CAPZA1: variants seen among roughly 807,000 people sequenced by gnomAD.
CAPZA1 encodes the protein F-actin-capping protein subunit alpha-1.
A neutral mutation model predicts 40.8 loss-of-function variants in CAPZA1; 10 were observed. The ratio of observed to expected loss-of-function variants is 0.25; its 90% confidence interval spans 0.15 to 0.42. The LOEUF is 0.42. Ranked by LOEUF, CAPZA1 falls within the 10% of genes least tolerant of loss-of-function variation. The pLI is 1.00. For missense variants in CAPZA1, 277 were observed against 353.8 expected (o/e 0.78, Z 1.74); for synonymous variants, 98 against 115.0 (o/e 0.85, Z 0.95).
At chr1:112,626,184 C>A (rs1015828462) in intron 1 of CAPZA1, 1 of 152,148 alleles carries the variant, frequency 6.6e-6, no homozygotes, top group Non-Finnish European at 1.5e-5. Flanking sequence ...CCTGAACCTG[C>A]TTGACAGACA....
intron 6 of CAPZA1, chr1:112,659,303 A>G: frequency 1.8e-6 from 1 of 570,086 alleles, no homozygotes; most frequent in South Asian, 2.2e-5. Flanking sequence ...TTGAGTGAGA[A>G]CAAGTGATTA....
Position 112,667,257 on chromosome 1 carries a change from G to A in CAPZA1, c.657+112G>A, listed in dbSNP as rs1016919424. 1.8e-5 allele frequency: 14 copies of A among 771,940 alleles called. 1 individual carries two copies. In the South Asian group the frequency reaches 2.6e-4, roughly 14 times the overall value. The allele number at this position is 771,940 out of a possible 1,614,324, so 47.8% of individuals were successfully genotyped here. On this transcript the variant is annotated intron_variant, in intron 8 of 9. Coordinates refer to ENST00000263168, the MANE Select transcript of CAPZA1 (RefSeq NM_006135.3). ...AGTAGAAATTCAGTTTGCTTTTAAT[G>A]TTTTGATTTTGGCCACTTCTGTTAG...
chr1:112,671,266 C>G lies in CAPZA1; in HGVS notation c.*1134C>G, dbSNP rs1411128370. The G allele has an allele frequency of 2.0e-5, 3 of 152,568 alleles. No individual in the cohort carries two copies. The highest frequency in any genetic ancestry group is 7.2e-5 in the African/African-American group (3 of 41,428). The allele number at this position is 152,568 out of a possible 1,614,324, so 9.5% of individuals were successfully genotyped here. A position where few individuals can be genotyped will look rare whatever the true frequency, so the allele number is the denominator to read the frequency against. On this transcript the variant is annotated 3_prime_UTR_variant, in exon 10 of 10. Transcript: ENST00000263168. Reference sequence around the variant, plus strand: ...GGTATGTGTGTAATCTCAGAATACACAGGTGACATAGATATGATATGACAA... The same window carrying G: ...GGTATGTGTGTAATCTCAGAATACAGAGGTGACATAGATATGATATGACAA...
intron 7 of CAPZA1, among the ~76,000 whole-genome samples, chr1:112,660,500 G>A (rs1028100844): frequency 3.9e-5 from 6 of 151,936 alleles, no homozygotes; most frequent in South Asian, 2.1e-4. Context: ...GGCTGGTCTC[G>A]ATCTCCTGAC....
intron 1 of CAPZA1, among the ~76,000 whole-genome samples, chr1:112,623,514 C>G (rs568673517): frequency 1.3e-5 from 2 of 152,022 alleles, no homozygotes; most frequent in African/African-American, 4.8e-5. Flanking sequence ...AACCCCATCT[C>G]TACTAAAAAT....
chr1:112,656,231 T>C (rs1671496832), intron 5 of CAPZA1, among the ~76,000 whole-genome samples: 1 of 152,172 alleles, frequency 6.6e-6, no homozygotes. Context: ...GCCAATTAAT[T>C]AGTTGTGTGA....
intron 1 of CAPZA1, among the ~76,000 whole-genome samples, chr1:112,639,826 C>A (rs1671098436): frequency 6.9e-6 from 1 of 143,950 alleles, no homozygotes; most frequent in Admixed American, 6.9e-5. Context: ...AAGTGAGGAG[C>A]CCCTCTGCCC....
intron 1 of CAPZA1, among the ~76,000 whole-genome samples, chr1:112,639,418 C>T (rs1297492374): frequency 2.0e-5 from 3 of 152,154 alleles, no homozygotes; most frequent in African/African-American, 7.2e-5. Context: ...ATTTTCTTCC[C>T]TCACCCTGCT....
intron 1 of CAPZA1, among the ~76,000 whole-genome samples, chr1:112,627,435 AG>A (rs1048513335): frequency 6.6e-6 from 1 of 151,862 alleles, no homozygotes; most frequent in African/African-American, 2.4e-5. Context: ...ACTTGAACCC[AG>A]GAGTTCAAGA....
At chr1:112,654,727 C>T (rs1570719840) in intron 5 of CAPZA1, 56 bp downstream of exon 5, 1 of 1,163,628 alleles carries the variant, frequency 8.6e-7, no homozygotes, top group South Asian at 1.7e-5. Flanking sequence ...TTACCTTATC[C>T]TTTGGAGGCT....
rs571692898 is a variant in CAPZA1 at position 112,671,228 on chromosome 1, A to G, written c.*1096A>G. On this transcript the variant is annotated 3_prime_UTR_variant, in exon 10 of 10. Coordinates refer to ENST00000263168, the MANE Select transcript of CAPZA1 (RefSeq NM_006135.3). ...TAACTGTGATAAAATAACCTTTCCC[A>G]GGTATATTGGCAGGTATGTGTGTAA... The G allele has an allele frequency of 1.3e-5, 2 of 152,740 alleles. No individual in the cohort carries two copies. Among genetic ancestry groups the G allele is most frequent in the South Asian group, 4.1e-4 (2 of 4,834 alleles). The allele number at this position is 152,740 out of a possible 1,614,324, so 9.5% of individuals were successfully genotyped here.
intron 1 of CAPZA1, among the ~76,000 whole-genome samples, chr1:112,630,488 C>T (rs894929257): frequency 1.3e-5 from 2 of 152,002 alleles, no homozygotes; most frequent in Non-Finnish European, 2.9e-5. Context: ...GGATTACAGG[C>T]GCCTGTCACC....
In CAPZA1 at chr1:112,654,558, G is replaced by A; in HGVS notation, c.313G>A (p.Ala105Thr). ...TAAATTTGACCACTTACGGAAAGAA[G>A]CAAGTGACCCCCAGCCAGAAGAAGC... ...SFKFDHLRKE[A>T]SDPQPEEADG... Residue 105 changes from alanine to threonine, a missense_variant, in exon 5 of 10, where the codon GCA becomes ACA. Transcript: ENST00000263168. 6.2e-7 allele frequency: 1 copy of A among 1,614,000 alleles called. No individual in the cohort carries two copies. Among genetic ancestry groups the A allele is most frequent in the Non-Finnish European group, 8.5e-7 (1 of 1,179,906 alleles).
At chr1:112,669,475 C>T (rs1370273984) in intron 8 of CAPZA1, 68 bp from the exon 9 acceptor site, 3 of 1,075,914 alleles carry the variant, frequency 2.8e-6, no homozygotes, top group African/African-American at 3.1e-5. Flanking sequence ...GATGGACTTA[C>T]TTTCAGGATC....
At chr1:112,621,476 T>C (rs1167631457) in intron 1 of CAPZA1, among the ~76,000 whole-genome samples, 4 of 152,118 alleles carry the variant, frequency 2.6e-5, no homozygotes. Context: ...GGTCTCAAAC[T>C]CTTGGGCTCA....
At chr1:112,622,067 GT>G (rs891682619) in intron 1 of CAPZA1, among the ~76,000 whole-genome samples, 7 of 151,452 alleles carry the variant, frequency 4.6e-5, no homozygotes, top group African/African-American at 1.7e-4. Flanking sequence ...AGCCAGTATT[GT>G]TTTTTTTAAT....
Position 112,671,422 on chromosome 1 carries a change from T to G in CAPZA1, c.*1290T>G, listed in dbSNP as rs1198247329. On this transcript the variant is annotated 3_prime_UTR_variant, in exon 10 of 10. Coordinates refer to ENST00000263168, the MANE Select transcript of CAPZA1 (RefSeq NM_006135.3). ...ATACATGTCAAAAAAAGAAAGGTGT[T>G]TGTGCTTCCGTTTTGTTTCTGCTCA... 6.6e-6 allele frequency: 1 copy of G among 152,656 alleles called. No homozygotes were observed. Among genetic ancestry groups the G allele is most frequent in the Non-Finnish European group, 1.5e-5 (1 of 68,050 alleles). 9.5% of individuals were successfully genotyped at this position (152,656 alleles called of 1,614,324 possible).
In CAPZA1 at chr1:112,669,749, A is replaced by G. The variant is rs757905294; in HGVS notation, c.720+144A>G. ...TGTGGGAGACTTTGCAGACCTTCCA[A>G]GTTGGCATTCTGCTTACAGTCAGGG... On this transcript the variant is annotated intron_variant, in intron 9 of 9. Transcript: ENST00000263168. 3 of 782,412 alleles carry G rather than the reference A, an allele frequency of 3.8e-6. No homozygotes were observed. The South Asian group carries it at 5.3e-5, about 14-fold the overall frequency. The allele number at this position is 782,412 out of a possible 1,614,324, so 48.5% of individuals were successfully genotyped here. A position where few individuals can be genotyped will look rare whatever the true frequency, so the allele number is the denominator to read the frequency against.
rs375821317 is a variant in CAPZA1, at chr1:112,625,162, CTG to C, written c.39+5282_39+5283del. On this transcript the variant is annotated intron_variant, in intron 1 of 9. Coordinates refer to ENST00000263168, the MANE Select transcript of CAPZA1 (RefSeq NM_006135.3). ...GAGTATGTCCACAGTTTGGGTGCCT[CTG>C]TGCATTCCTTCTATCTGAGCATCTG... is the stretch of plus-strand genomic sequence containing the variant. 8.2e-3 allele frequency among the ~76,000 whole-genome samples: 1,254 copies of C among 152,288 alleles called. 19 individuals are homozygous for C. The highest frequency in any genetic ancestry group is 0.029 in the African/African-American group (1,191 of 41,558).
Sources: allele counts gnomAD v4.1 joint callset (sites outside exome capture counted in the v4.1 genomes callset), GRCh38; gene constraint gnomAD v4.1.1; transcripts MANE v1.5; gene names NCBI Gene and HGNC (gene_info 2026-07-23, HGNC 2026-07-21).